Variants in OTOGL observed in about 807,000 individuals in gnomAD.
The protein encoded by OTOGL is otogelin like.
In OTOGL, 285 loss-of-function variants were observed where a neutral mutation model predicts 318.5. That is an observed-to-expected ratio of 0.89 (90% CI 0.81 to 0.99). OTOGL has a LOEUF of 0.99. OTOGL is among the 50% of genes least tolerant of loss of function. OTOGL has a pLI of 0.00. For missense variants in OTOGL, 2,899 were observed against 2,845.6 expected (o/e 1.02, Z -0.43); for synonymous variants, 987 against 936.5 (o/e 1.05, Z -0.99).
At chr12:80,139,864 A>C (rs1871815208) in intron 1 of OTOGL, among the ~76,000 whole-genome samples, 1 of 152,076 alleles carries the variant, frequency 6.6e-6, no homozygotes, top group African/African-American at 2.4e-5. Flanking sequence ...ATCTCTTCCC[A>C]CCATTTCCAA....
At chr12:80,127,560 G>T (rs368476577) in intron 1 of OTOGL, among the ~76,000 whole-genome samples, 5 of 152,244 alleles carry the variant, frequency 3.3e-5, no homozygotes, top group East Asian at 1.9e-4. Context: ...GGCATTCTCT[G>T]TATTTCCTGA....
intron 1 of OTOGL, among the ~76,000 whole-genome samples, chr12:80,156,333 C>A (rs1189552841): frequency 6.6e-6 from 1 of 152,186 alleles, no homozygotes; most frequent in African/African-American, 2.4e-5. Flanking sequence ...GGCTTCCTTG[C>A]TTCTCAGCTT....
chr12:80,358,947 T>C (rs983658151), intron 52 of OTOGL, 47 bp downstream of exon 52: 1 of 1,358,174 alleles, frequency 7.4e-7, no homozygotes, highest in Non-Finnish European at 9.9e-7. Context: ...TTTAAATCTG[T>C]TTATTCTTCC....
At chr12:80,213,449 C>T (rs977627561) in intron 4 of OTOGL, among the ~76,000 whole-genome samples, 31 of 152,084 alleles carry the variant, frequency 2.0e-4, no homozygotes, top group Admixed American at 9.8e-4. Context: ...CATCCTGTGA[C>T]GAAGAATGCC....
At chr12:80,351,216 G>A (rs760951456) in intron 44 of OTOGL, among the ~76,000 whole-genome samples, 3 of 151,498 alleles carry the variant, frequency 2.0e-5, no homozygotes, top group Non-Finnish European at 4.4e-5. Context: ...TTGGCTGGCT[G>A]TAAATGTGTG....
rs778687307 is a variant in OTOGL, at chr12:80,380,247, A to G, written c.*2199A>G. On this transcript the variant is annotated 3_prime_UTR_variant, in exon 59 of 59. Coordinates refer to ENST00000547103, the MANE Select transcript of OTOGL (RefSeq NM_001378609.3). ...ATTCTAATTGTGACTCAGTATCCAGATACCCCAAATAAATGATTCATAGAT... is the reference window on the plus strand; with the variant it reads ...ATTCTAATTGTGACTCAGTATCCAGGTACCCCAAATAAATGATTCATAGAT... The G allele has an allele frequency of 5.3e-5, 8 of 152,044 alleles. No homozygotes were observed. Among genetic ancestry groups the G allele is most frequent in the Non-Finnish European group, 1.0e-4 (7 of 67,924 alleles). The allele number at this position is 152,044 out of a possible 1,614,324, so 9.4% of individuals were successfully genotyped here. A position where few individuals can be genotyped will look rare whatever the true frequency, so the allele number is the denominator to read the frequency against.
intron 26 of OTOGL, among the ~76,000 whole-genome samples, chr12:80,281,291 G>A (rs2137634433): frequency 6.6e-6 from 1 of 151,808 alleles, no homozygotes; most frequent in African/African-American, 2.4e-5. Flanking sequence ...GTGGAATTGG[G>A]TCCAGCTTTT....
chr12:80,378,818 G>GC lies in OTOGL; in HGVS notation c.*776dup, dbSNP rs1891321406. 1.3e-5 allele frequency: 2 copies of GC among 151,916 alleles called. No individual in the cohort carries two copies. Among genetic ancestry groups the GC allele is most frequent in the Admixed American group, 6.6e-5 (1 of 15,220 alleles). 9.4% of individuals were successfully genotyped at this position (151,916 alleles called of 1,614,324 possible). A position where few individuals can be genotyped will look rare whatever the true frequency, so the allele number is the denominator to read the frequency against. Reference sequence around the variant, plus strand: ...TTTAAGTTTAACATATTTGAAAAATGCCCCCCATACATTGTTATTCCAATA... The same window carrying GC: ...TTTAAGTTTAACATATTTGAAAAATGCCCCCCCATACATTGTTATTCCAATA... On this transcript the variant is annotated 3_prime_UTR_variant, in exon 59 of 59. Coordinates refer to ENST00000547103, the MANE Select transcript of OTOGL (RefSeq NM_001378609.3).
chr12:80,142,395 T>C (rs930333405), intron 1 of OTOGL, among the ~76,000 whole-genome samples: 5 of 152,126 alleles, frequency 3.3e-5, no homozygotes, highest in East Asian at 1.9e-4. Context: ...TGAAGAAACA[T>C]AGTGAAAGTT....
At chr12:80,281,201 G>A (rs1041228948) in intron 26 of OTOGL, among the ~76,000 whole-genome samples, 2 of 151,884 alleles carry the variant, frequency 1.3e-5, no homozygotes, top group African/African-American at 4.8e-5. Context: ...TCTTTTGCCT[G>A]ATTGCTTTGG....
At chr12:80,126,460 C>G (rs190921034) in intron 1 of OTOGL, among the ~76,000 whole-genome samples, 138 of 152,160 alleles carry the variant, frequency 9.1e-4, no homozygotes, top group African/African-American at 2.5e-3. Context: ...TTACTTCCAA[C>G]TATGTGGTCA....
At chr12:80,357,026 A>G in intron 49 of OTOGL, 112 bp downstream of exon 49, 1 of 537,292 alleles carries the variant, frequency 1.9e-6, no homozygotes, top group Non-Finnish European at 3.1e-6. Flanking sequence ...TGATGTTATA[A>G]GAATTCAACT....
Position 80,319,346 on chromosome 12 carries a change from C to T in OTOGL, c.3802+633C>T, listed in dbSNP as rs1887179008. Among the ~76,000 whole-genome samples the T allele has an allele frequency of 2.0e-5, 3 of 152,130 alleles. No homozygotes were observed. The South Asian group carries it at 6.2e-4, about 32-fold the overall frequency. On this transcript the variant is annotated intron_variant, in intron 33 of 58. Coordinates refer to ENST00000547103, the MANE Select transcript of OTOGL (RefSeq NM_001378609.3). ...CTACCTCATGTCTACATAAGTCTAC[C>T]TGGAACCATGCATGACATGTTGTAT... is the stretch of plus-strand genomic sequence containing the variant.
intron 1 of OTOGL, among the ~76,000 whole-genome samples, chr12:80,105,476 T>C (rs1419729017): frequency 6.6e-6 from 1 of 152,222 alleles, no homozygotes; most frequent in African/African-American, 2.4e-5. Flanking sequence ...TTAGAAGATG[T>C]TATTTCAGGA....
At chr12:80,293,946 T>G (rs1172460800) in intron 26 of OTOGL, among the ~76,000 whole-genome samples, 1 of 152,146 alleles carries the variant, frequency 6.6e-6, no homozygotes, top group Non-Finnish European at 1.5e-5. Flanking sequence ...TGACAGGTGC[T>G]GAGACTGACA....
At chr12:80,252,518 G>A (rs1432293438) in intron 13 of OTOGL, among the ~76,000 whole-genome samples, 2 of 152,124 alleles carry the variant, frequency 1.3e-5, no homozygotes, top group Non-Finnish European at 2.9e-5. Context: ...AGGAAAGGAA[G>A]TTTGAGAGAA....
chr12:80,173,830 G>A (rs534673955), intron 1 of OTOGL, among the ~76,000 whole-genome samples: 5 of 152,232 alleles, frequency 3.3e-5, no homozygotes, highest in East Asian at 1.9e-4. Flanking sequence ...GAATAGGGGC[G>A]GTGATATTCC....
intron 58 of OTOGL, 110 bp from the exon 59 acceptor site, chr12:80,377,738 G>A: frequency 1.2e-6 from 1 of 829,024 alleles, no homozygotes; most frequent in Non-Finnish European, 1.9e-6. Flanking sequence ...AAGCTTGAGG[G>A]TTGGAGTGAT....
intron 5 of OTOGL, among the ~76,000 whole-genome samples, chr12:80,219,504 G>T (rs971418913): frequency 6.6e-6 from 1 of 152,182 alleles, no homozygotes; most frequent in Non-Finnish European, 1.5e-5. Flanking sequence ...TGTATTTCTG[G>T]TTCTCATCAT....
Sources: allele counts gnomAD v4.1 joint callset (sites outside exome capture counted in the v4.1 genomes callset), GRCh38; gene constraint gnomAD v4.1.1; transcripts MANE v1.5; gene names NCBI Gene and HGNC (gene_info 2026-07-23, HGNC 2026-07-21).